Variants in HINT3 observed in about 807,000 individuals in gnomAD.
HINT3 encodes the protein adenosine 5'-monophosphoramidase HINT3.
HINT3 carries 16 observed loss-of-function variants against 19.1 expected under a neutral mutation model. The observed-to-expected ratio is 0.84, with a 90% CI of 0.57 to 1.27. HINT3 has a LOEUF of 1.27. Among genes scored for constraint, HINT3 ranks in the 50% most tolerant of loss-of-function variants. The pLI, the probability that HINT3 is intolerant of heterozygous loss-of-function variation, is 0.00. For synonymous variants in HINT3, 75 were observed against 84.8 expected (o/e 0.88, Z 0.63); for missense variants, 197 against 225.8 (o/e 0.87, Z 0.82).
At position 125,957,283 on chromosome 6, in the gene HINT3, G is replaced by A. The variant is rs1012549534; in HGVS notation, c.201+105G>A. 5 of 1,223,242 alleles carry A rather than the reference G, an allele frequency of 4.1e-6. No homozygotes were observed. The African/African-American group carries it at 7.5e-5, about 18-fold the overall frequency. 75.8% of individuals were successfully genotyped at this position (1,223,242 alleles called of 1,614,324 possible). ...GGAGCGGGTGCAGAGGATCCCGATC[G>A]CTACTCAGCTCGCAGAGGCAGGGCC... On this transcript the variant is annotated intron_variant, in intron 1 of 4. Transcript: ENST00000229633.
intron 3 of HINT3, among the ~76,000 whole-genome samples, 174 bp from the exon 4 acceptor site, chr6:125,974,673 G>A (rs1413958818): frequency 1.3e-5 from 2 of 152,234 alleles, no homozygotes; most frequent in East Asian, 3.8e-4. Context: ...ATGAAAAGAA[G>A]AGGAAGTGTG....
chr6:125,961,500 T>C (rs558169511), intron 1 of HINT3, among the ~76,000 whole-genome samples: 25 of 152,320 alleles, frequency 1.6e-4, no homozygotes, highest in African/African-American at 5.8e-4. Flanking sequence ...ACCGACCAGC[T>C]TGAAGTTGGG....
At chr6:125,962,263 TATATATACATAC>T (rs1170070157) in intron 1 of HINT3, among the ~76,000 whole-genome samples, 799 of 33,070 alleles carry the variant, frequency 0.024, 64 homozygotes, top group East Asian at 0.035. Context: ...CACATATATA[TATATATACATAC>T]ATATATATAT....
intron 4 of HINT3, 121 bp downstream of exon 4, chr6:125,975,094 A>T (rs1463026575): frequency 1.2e-6 from 1 of 836,236 alleles, no homozygotes; most frequent in Non-Finnish European, 1.9e-6. Flanking sequence ...CTGTTTTAAC[A>T]TACTGCTTGC....
intron 4 of HINT3, among the ~76,000 whole-genome samples, chr6:125,977,334 CTTCT>C (rs1789193922): frequency 6.6e-6 from 1 of 152,088 alleles, no homozygotes; most frequent in Non-Finnish European, 1.5e-5. Context: ...TTCAGATTGG[CTTCT>C]TTCACTTAGT....
chr6:125,963,129 G>A (rs997051492), intron 1 of HINT3, among the ~76,000 whole-genome samples: 3 of 152,130 alleles, frequency 2.0e-5, no homozygotes, highest in East Asian at 1.9e-4. Context: ...TCAAAAGGGC[G>A]TCTATGTATT....
chr6:125,972,624 G>T (rs1468284128), intron 3 of HINT3, among the ~76,000 whole-genome samples: 1 of 152,074 alleles, frequency 6.6e-6, no homozygotes, highest in Non-Finnish European at 1.5e-5. Flanking sequence ...GGATCTCACT[G>T]TGTTGCCCAG....
chr6:125,957,072 G>C lies in HINT3; in HGVS notation c.95G>C (p.Cys32Ser). Residue 32 changes from cysteine (C) to serine (S), a missense_variant, in exon 1 of 5, where the codon TGT (cysteine) becomes TCT (serine). Transcript: ENST00000229633. The part of the protein sequence containing the change: ...AETTVSSVGT[C>S]EAAGKSPEPK... ...ACTACGGTTTCCTCAGTGGGGACCT[G>C]TGAAGCCGCTGGCAAGTCACCAGAG... The C allele has an allele frequency of 6.4e-7, 1 of 1,550,852 alleles. No individual in the cohort carries two copies. Among genetic ancestry groups the C allele is most frequent in the South Asian group, 1.2e-5 (1 of 84,066 alleles).
At chr6:125,961,237 C>T (rs1183342550) in intron 1 of HINT3, among the ~76,000 whole-genome samples, 1 of 152,194 alleles carries the variant, frequency 6.6e-6, no homozygotes, top group Middle Eastern at 3.2e-3. Flanking sequence ...AAAACACAAA[C>T]TGTGCTTTTT....
chr6:125,966,493 A>C (rs1449647671), intron 1 of HINT3, among the ~76,000 whole-genome samples: 1 of 152,216 alleles, frequency 6.6e-6, no homozygotes, highest in Non-Finnish European at 1.5e-5. Context: ...GAAAAAAATT[A>C]AATGTAGAAA....
intron 1 of HINT3, among the ~76,000 whole-genome samples, chr6:125,964,042 C>T (rs1583588940): frequency 6.6e-6 from 1 of 152,136 alleles, no homozygotes; most frequent in African/African-American, 2.4e-5. Context: ...CTTTGTTATT[C>T]ACTTGGAGTT....
At chr6:125,966,824 C>A (rs1234629146) in intron 1 of HINT3, 63 bp from the exon 2 acceptor site, 13 of 1,046,168 alleles carry the variant, frequency 1.2e-5, no homozygotes, top group Non-Finnish European at 1.9e-5. Context: ...ATATTTAAGT[C>A]ATGCCAGAAC....
intron 2 of HINT3, 26 bp downstream of exon 2, chr6:125,967,030 GT>G: frequency 7.3e-7 from 1 of 1,364,428 alleles, no homozygotes; most frequent in Non-Finnish European, 1.0e-6. Flanking sequence ...TATTCTTCAT[GT>G]TTATATCATT....
chr6:125,964,299 A>G (rs1196343173), intron 1 of HINT3, among the ~76,000 whole-genome samples: 1 of 152,144 alleles, frequency 6.6e-6, no homozygotes, highest in East Asian at 1.9e-4. Context: ...AGTGTGATGT[A>G]TACATGTTAA....
intron 3 of HINT3, among the ~76,000 whole-genome samples, chr6:125,972,688 G>A (rs1162749895): frequency 6.6e-6 from 1 of 151,990 alleles, no homozygotes; most frequent in Non-Finnish European, 1.5e-5. Context: ...CTCCCAGACT[G>A]AGTATCCTTC....
chr6:125,962,760 C>T (rs1048946708), intron 1 of HINT3, among the ~76,000 whole-genome samples: 7 of 151,864 alleles, frequency 4.6e-5, no homozygotes, highest in African/African-American at 1.7e-4. Context: ...TAAGCAAAGG[C>T]TGAACCATGC....
chr6:125,966,749 T>C, intron 1 of HINT3, 138 bp from the exon 2 acceptor site: 1 of 528,948 alleles, frequency 1.9e-6, no homozygotes, highest in Non-Finnish European at 3.3e-6. Flanking sequence ...TGCGTAATTA[T>C]AAAATTGCCC....
At chr6:125,975,525 A>G (rs1473394952) in intron 4 of HINT3, among the ~76,000 whole-genome samples, 5 of 151,242 alleles carry the variant, frequency 3.3e-5, no homozygotes, top group Admixed American at 3.3e-4. Context: ...GATAGTTCAA[A>G]TTCCTTAGAA....
intron 3 of HINT3, 95 bp from the exon 4 acceptor site, chr6:125,974,752 T>C: frequency 8.2e-7 from 1 of 1,214,896 alleles, no homozygotes; most frequent in Non-Finnish European, 1.2e-6. Context: ...CTTAGGTACT[T>C]ATTTTGGATC....
Sources: gnomAD v4.1 joint callset for allele counts (sites outside exome capture counted in the v4.1 genomes callset) on GRCh38, gnomAD v4.1.1 for gene constraint, MANE v1.5 for transcripts, NCBI Gene and HGNC (gene_info 2026-07-23, HGNC 2026-07-21) for gene names.